Variants in EPM2A observed in about 807,000 individuals in gnomAD.
EPM2A encodes laforin.
Under a neutral mutation model 26.5 loss-of-function variants are expected in EPM2A, and 21 were observed. The observed-to-expected ratio is 0.79, with a 90% CI of 0.56 to 1.14. The LOEUF is 1.14. EPM2A is among the 50% of genes most tolerant of loss of function. EPM2A has a pLI of 0.00. For synonymous variants in EPM2A, 217 were observed against 177.6 expected, an observed-to-expected ratio of 1.22 and a Z score of -1.76; for missense variants, 458 against 440.8, an observed-to-expected ratio of 1.04 and a Z score of -0.35.
At chr6:145,607,807 T>G (rs1775294585) in intron 2 of EPM2A, among the ~76,000 whole-genome samples, 1 of 152,144 alleles carries the variant, frequency 6.6e-6, no homozygotes, top group African/African-American at 2.4e-5. Flanking sequence ...TCTTTGCATC[T>G]CCCATTGCCA....
At chr6:145,383,502 G>T (rs1315616298) in exon 5 of EPM2A, 1 of 152,226 alleles carries the variant, frequency 6.6e-6, no homozygotes, top group African/African-American at 2.4e-5. Context: ...CATGACCAGA[G>T]ACAGAGGATG....
At chr6:145,618,350 G>C (rs1775559281) in intron 2 of EPM2A, among the ~76,000 whole-genome samples, 1 of 152,186 alleles carries the variant, frequency 6.6e-6, no homozygotes, top group Non-Finnish European at 1.5e-5. Context: ...ATGGTTATAA[G>C]AATGACAACA....
At chr6:145,481,385 C>T (rs1210171542) in intron 4 of EPM2A, among the ~76,000 whole-genome samples, 3 of 152,010 alleles carry the variant, frequency 2.0e-5, no homozygotes, top group Non-Finnish European at 4.4e-5. Flanking sequence ...AAGGGAAGGT[C>T]CAAAATGATC....
intron 1 of EPM2A, among the ~76,000 whole-genome samples, chr6:145,719,724 C>G (rs1357698490): frequency 6.6e-6 from 1 of 152,174 alleles, no homozygotes; most frequent in South Asian, 2.1e-4. Context: ...AAAAATATCT[C>G]TTAACCTCAA....
At chr6:145,477,175 T>A (rs2114730272) in intron 4 of EPM2A, among the ~76,000 whole-genome samples, 1 of 151,850 alleles carries the variant, frequency 6.6e-6, no homozygotes, top group South Asian at 2.1e-4. Context: ...TATATGCTGA[T>A]AATTGGAAAA....
intron 4 of EPM2A, among the ~76,000 whole-genome samples, chr6:145,495,192 G>C (rs756237305): frequency 3.5e-4 from 53 of 152,234 alleles, no homozygotes; most frequent in Non-Finnish European, 4.9e-4. Flanking sequence ...TATATGTTTA[G>C]GATAGTTAGC....
chr6:145,501,639 A>G (rs1210051558), exon 4 of EPM2A: 1 of 378,744 alleles, frequency 2.6e-6, no homozygotes, highest in African/African-American at 2.1e-5. Flanking sequence ...CTATTATTAC[A>G]TATTGGGCAG....
At chr6:145,457,481 CAA>C (rs11325982) in intron 4 of EPM2A, among the ~76,000 whole-genome samples, 10,353 of 105,366 alleles carry the variant, frequency 0.098, 360 homozygotes, top group Admixed American at 0.12. Context: ...GACTCTGTCT[CAA>C]AAAAAAAAAA....
rs538311136 is a variant in EPM2A, at chr6:145,573,455, T to A, written c.340+61790A>T. 3.3e-5 allele frequency among the ~76,000 whole-genome samples: 5 copies of A among 152,308 alleles called. No homozygotes were observed. The East Asian group carries it at 9.7e-4, about 29-fold the overall frequency. On this transcript the variant is annotated intron_variant, in intron 2 of 3. Transcript: ENST00000450221. ...AGCAGCTGCAATTGGAGTCACCACT[T>A]GGTTAAGCATACAATAATCCACTGT... is the stretch of plus-strand genomic sequence containing the variant.
At chr6:145,600,866 G>A (rs900653557) in intron 2 of EPM2A, among the ~76,000 whole-genome samples, 1 of 152,162 alleles carries the variant, frequency 6.6e-6, no homozygotes, top group Non-Finnish European at 1.5e-5. Context: ...TGTCTTTCAT[G>A]GATGGCTTCA....
intron 1 of EPM2A, among the ~76,000 whole-genome samples, chr6:145,707,302 T>C (rs1314026931): frequency 2.0e-5 from 3 of 152,162 alleles, no homozygotes; most frequent in African/African-American, 7.2e-5. Context: ...AATGGTACAG[T>C]ACTAAGATAG....
intron 4 of EPM2A, among the ~76,000 whole-genome samples, chr6:145,420,776 A>G (rs1387818446): frequency 6.6e-6 from 1 of 152,106 alleles, no homozygotes; most frequent in Non-Finnish European, 1.5e-5. Context: ...ACAGTTCTAG[A>G]GAGAGCCCTC....
At chr6:145,529,170 T>C (rs1320783614) in intron 2 of EPM2A, among the ~76,000 whole-genome samples, 2 of 152,182 alleles carry the variant, frequency 1.3e-5, no homozygotes, top group African/African-American at 4.8e-5. Flanking sequence ...GGAAATGCTA[T>C]GAACATTGTT....
At chr6:145,504,525 C>T (rs1225394185) in intron 2 of EPM2A, among the ~76,000 whole-genome samples, 3 of 38,540 alleles carry the variant, frequency 7.8e-5, no homozygotes, top group Non-Finnish European at 1.5e-4. Context: ...CAGAGAAATG[C>T]AAATCAAAAC....
intron 2 of EPM2A, among the ~76,000 whole-genome samples, chr6:145,504,469 A>G (rs1207123638): frequency 7.7e-6 from 1 of 129,274 alleles, no homozygotes; most frequent in African/African-American, 2.9e-5. Flanking sequence ...GAAGACATTT[A>G]TGCAGCCAAA....
At chr6:145,613,722 T>A (rs1197654140) in intron 2 of EPM2A, among the ~76,000 whole-genome samples, 1 of 152,186 alleles carries the variant, frequency 6.6e-6, no homozygotes, top group Non-Finnish European at 1.5e-5. Context: ...GGAAAGAGAT[T>A]TTTTTTCTGA....
At chr6:145,430,956 T>C (rs1324598812) in intron 4 of EPM2A, among the ~76,000 whole-genome samples, 1 of 152,184 alleles carries the variant, frequency 6.6e-6, no homozygotes, top group Non-Finnish European at 1.5e-5. Flanking sequence ...TGAAGATTTT[T>C]CCAGATATAT....
chr6:145,665,884 C>T (rs1779141864), intron 2 of EPM2A, among the ~76,000 whole-genome samples: 2 of 150,362 alleles, frequency 1.3e-5, no homozygotes, highest in African/African-American at 2.5e-5. Context: ...AAATGTAATC[C>T]AGCATATAAA....
At chr6:145,689,346 T>C (rs1319356755) in intron 1 of EPM2A, among the ~76,000 whole-genome samples, 1 of 152,326 alleles carries the variant, frequency 6.6e-6, no homozygotes. Context: ...TGGAGAACTA[T>C]GGAATAAATG....
Sources: gnomAD v4.1 joint callset for allele counts (sites outside exome capture counted in the v4.1 genomes callset) on GRCh38, gnomAD v4.1.1 for gene constraint, MANE v1.5 for transcripts, NCBI Gene and HGNC (gene_info 2026-07-23, HGNC 2026-07-21) for gene names.